Variants in SENP7 observed in about 807,000 individuals in gnomAD.
The protein encoded by SENP7 is SUMO specific peptidase 7.
In SENP7, 64 loss-of-function variants were observed where a neutral mutation model predicts 141.2. That is an observed-to-expected ratio of 0.45 (90% CI 0.37 to 0.56). SENP7 has a LOEUF of 0.56. Ranked by LOEUF, SENP7 falls within the 20% of genes least tolerant of loss-of-function variation. The pLI is 0.00. For synonymous variants in SENP7, 382 were observed against 426.4 expected (o/e 0.90, Z 1.28); for missense variants, 1,025 against 1,212.2 (o/e 0.85, Z 2.29).
At position 101,340,982 on chromosome 3, in the gene SENP7, T is replaced by C. The variant is rs1283933993; in HGVS notation, c.2240+664A>G. On this transcript the variant is annotated intron_variant, in intron 15 of 23. Coordinates refer to ENST00000394095, the MANE Select transcript of SENP7 (RefSeq NM_020654.5). The stretch of plus-strand genomic sequence containing the variant: ...ATATGTACTTCTTGCGCCAGAAAGG[T>C]TCAGTATGGTAAGAGTCATCCACAT... Among the ~76,000 whole-genome samples the C allele has an allele frequency of 2.6e-5, 4 of 152,154 alleles. 1 individual carries two copies. Among genetic ancestry groups the C allele is most frequent in the Admixed American group, 2.6e-4 (4 of 15,278 alleles).
intron 3 of SENP7, among the ~76,000 whole-genome samples, chr3:101,466,864 C>G (rs544419580): frequency 6.6e-6 from 1 of 152,192 alleles, no homozygotes; most frequent in African/African-American, 2.4e-5. Flanking sequence ...AGAGGGCAAG[C>G]TGAAGCAGGG....
intron 1 of SENP7, among the ~76,000 whole-genome samples, chr3:101,510,896 T>C (rs2065830356): frequency 6.7e-6 from 1 of 148,744 alleles, no homozygotes; most frequent in Non-Finnish European, 1.5e-5. Context: ...TAGCAACAAC[T>C]TACAATGAAA....
At chr3:101,336,441 TAA>T (rs2059187522) in intron 17 of SENP7, among the ~76,000 whole-genome samples, 1 of 152,168 alleles carries the variant, frequency 6.6e-6, no homozygotes, top group South Asian at 2.1e-4. Context: ...AGTTAAAAGG[TAA>T]AGATTTAAGT....
intron 4 of SENP7, among the ~76,000 whole-genome samples, chr3:101,437,915 T>TA (rs1473528823): frequency 1.3e-5 from 2 of 151,290 alleles, no homozygotes; most frequent in Non-Finnish European, 1.5e-5. Context: ...TTAGGATGGC[T>TA]ACTACAAATT....
At chr3:101,479,527 T>C (rs2064358932) in intron 3 of SENP7, among the ~76,000 whole-genome samples, 1 of 151,922 alleles carries the variant, frequency 6.6e-6, no homozygotes, top group African/African-American at 2.4e-5. Flanking sequence ...GATGGTTTCC[T>C]TGTGCCCAGG....
chr3:101,401,893 AG>A (rs1427748145), intron 5 of SENP7, among the ~76,000 whole-genome samples: 1 of 151,876 alleles, frequency 6.6e-6, no homozygotes, highest in African/African-American at 2.4e-5. Context: ...CTGAAGTGAG[AG>A]GATCACTTTA....
At chr3:101,481,839 A>T (rs904082978) in intron 3 of SENP7, among the ~76,000 whole-genome samples, 37 of 152,306 alleles carry the variant, frequency 2.4e-4, no homozygotes, top group African/African-American at 8.7e-4. Context: ...CAGATGACGT[A>T]ACTGTCGATG....
chr3:101,453,730 G>A (rs1263129758), intron 4 of SENP7, among the ~76,000 whole-genome samples: 3 of 152,062 alleles, frequency 2.0e-5, no homozygotes, highest in African/African-American at 4.8e-5. Context: ...GTGGGGGCAG[G>A]GGGGAGGAAT....
intron 5 of SENP7, among the ~76,000 whole-genome samples, chr3:101,401,241 A>G (rs1026863588): frequency 7.2e-5 from 11 of 152,078 alleles, no homozygotes; most frequent in Middle Eastern, 3.2e-3. Context: ...TAAAAGTGCT[A>G]CTCCTGGCCA....
chr3:101,379,325 T>C (rs2060429316), intron 6 of SENP7, among the ~76,000 whole-genome samples: 1 of 152,152 alleles, frequency 6.6e-6, no homozygotes, highest in African/African-American at 2.4e-5. Flanking sequence ...ATTAGATTTG[T>C]TAACATTTCT....
At position 101,328,668 on chromosome 3, in the gene SENP7, C is replaced by T; in HGVS notation, c.2773G>A (p.Val925Ile). ...DSQSTESNMS[V>I]PKKMCKRPCI... ...TACCTTTTACACATTTTCTTTGGTA[C>T]TGACATATTCGACTCGGTACTCTGA... The change falls in exon 21 of 24, where the codon GTA (valine) becomes ATA (isoleucine). Residue 925 changes from valine (V) to isoleucine (I), a missense_variant. By Grantham distance (29) the Val-to-Ile change is conservative (BLOSUM62 3). Around this residue, in one of 4 missense-constraint regions of SENP7, gnomAD observed 295 missense variants for 459.1 expected, o/e 0.64. Transcript: ENST00000394095. 1 of 1,608,046 alleles carries T rather than the reference C, an allele frequency of 6.2e-7. No homozygotes were observed.
At chr3:101,332,133 T>G in intron 18 of SENP7, 24 bp from the exon 19 acceptor site, 1 of 1,608,240 alleles carries the variant, frequency 6.2e-7, no homozygotes, top group Non-Finnish European at 8.5e-7. Context: ...ACTACAATCT[T>G]AATACCATGC....
chr3:101,461,905 A>T (rs182076438), intron 3 of SENP7, among the ~76,000 whole-genome samples: 18 of 152,338 alleles, frequency 1.2e-4, no homozygotes, highest in African/African-American at 1.7e-4. Context: ...GAAGCCATAG[A>T]CACAAAAGAT....
intron 6 of SENP7, among the ~76,000 whole-genome samples, chr3:101,378,080 C>G (rs2060386101): frequency 1.3e-5 from 2 of 151,740 alleles, no homozygotes; most frequent in Non-Finnish European, 2.9e-5. Flanking sequence ...TTTTCTTCCT[C>G]TCACATCTTA....
chr3:101,429,430 T>G (rs1254840165), intron 4 of SENP7, among the ~76,000 whole-genome samples: 1 of 152,184 alleles, frequency 6.6e-6, no homozygotes, highest in Non-Finnish European at 1.5e-5. Context: ...GTTGGATTCC[T>G]AGGTATTTTA....
At chr3:101,355,045 C>A (rs1282008901) in intron 11 of SENP7, among the ~76,000 whole-genome samples, 1 of 152,050 alleles carries the variant, frequency 6.6e-6, no homozygotes, top group Non-Finnish European at 1.5e-5. Context: ...CTGCTCATGT[C>A]CCTTGTCCAC....
Position 101,366,673 on chromosome 3 carries a change from T to C in SENP7, c.1075A>G (p.Lys359Glu), listed in dbSNP as rs2060045770. 1.9e-6 allele frequency: 3 copies of C among 1,613,630 alleles called. No homozygotes were observed. Among genetic ancestry groups the C allele is most frequent in the African/African-American group, 1.3e-5 (1 of 74,916 alleles). ...DPKLPEEITTKPTKSDFTKLS... is the reference protein window; with the variant it reads ...DPKLPEEITTEPTKSDFTKLS... ...TTAGTAAAATCACTTTTTGTAGGTT[T>C]AGTTGTAATTTCTTCAGGCAGTTTT... is the stretch of plus-strand genomic sequence containing the variant. Residue 359 changes from lysine to glutamate, a missense_variant, in exon 9 of 24, where the codon AAA becomes GAA. By Grantham distance (56) the Lys-to-Glu change is moderately conservative. Around this residue, in one of 4 missense-constraint regions of SENP7, gnomAD observed 496 missense variants for 503.5 expected, o/e 0.99. Coordinates refer to ENST00000394095, the MANE Select transcript of SENP7 (RefSeq NM_020654.5).
chr3:101,468,872 G>A (rs1274055654), intron 3 of SENP7, among the ~76,000 whole-genome samples: 1 of 152,186 alleles, frequency 6.6e-6, no homozygotes, highest in African/African-American at 2.4e-5. Context: ...AACCTTAAAT[G>A]TAAATGGGCT....
intron 19 of SENP7, 23 bp downstream of exon 19, chr3:101,331,962 A>G: frequency 1.2e-6 from 2 of 1,609,500 alleles, no homozygotes; most frequent in Non-Finnish European, 1.7e-6. Flanking sequence ...TATTAAAAAC[A>G]CCATCTACGT....
Sources: allele counts gnomAD v4.1 joint callset (sites outside exome capture counted in the v4.1 genomes callset), GRCh38; gene constraint gnomAD v4.1.1; regional missense constraint gnomAD v4.1.1; transcripts MANE v1.5; gene names NCBI Gene and HGNC (gene_info 2026-07-23, HGNC 2026-07-21).